The following KALRN variants were observed in gnomAD, a reference collection of about 807,000 sequenced individuals.
The protein encoded by KALRN is kalirin RhoGEF kinase, also known as kalirin.
A neutral mutation model predicts 353.7 loss-of-function variants in KALRN; 70 were observed. The ratio of observed to expected loss-of-function variants is 0.20; its 90% CI spans 0.16 to 0.24. The LOEUF (loss-of-function observed/expected upper bound fraction) is 0.24, where lower values mean the gene tolerates loss of function less well. Ranked by LOEUF, KALRN falls within the 10% of genes least tolerant of loss-of-function variation. The pLI is 1.00. For synonymous variants in KALRN, 1,391 were observed against 1,434.8 expected (o/e 0.97, Z 0.69); for missense variants, 2,791 against 3,756.7 (o/e 0.74, Z 6.72).
At position 124,099,449 on chromosome 3, in the gene KALRN, A is replaced by G. The variant is rs1025542475; in HGVS notation, c.73+65636A>G. 7.9e-5 allele frequency: 12 copies of G among 152,238 alleles called. No homozygotes were observed. The East Asian group carries it at 1.7e-3, about 22-fold the overall frequency. The allele number at this position is 152,238 out of a possible 1,614,324, so 9.4% of individuals were successfully genotyped here. ...TATATATAACACATTTTCTTTATCTATTCACCCATTGATAGACACTTAGAT... is the reference window on the plus strand; with the variant it reads ...TATATATAACACATTTTCTTTATCTGTTCACCCATTGATAGACACTTAGAT... On this transcript the variant is annotated intron_variant, in intron 1 of 59. Coordinates refer to ENST00000682506, the MANE Select transcript of KALRN (RefSeq NM_001388419.1).
At chr3:124,419,182 A>G (rs1247899541) in intron 14 of KALRN, among the ~76,000 whole-genome samples, 1 of 151,990 alleles carries the variant, frequency 6.6e-6, no homozygotes, top group African/African-American at 2.4e-5. Context: ...AGGCGAGTAC[A>G]TAAACACCTG....
In KALRN at chr3:124,240,854, G is replaced by A. The variant is rs185498631; in HGVS notation, c.263+5911G>A. ...GGGAAAATAATGTCTATCTCATAAG[G>A]GTATTGTGAGGAATTATCTAGCAGG... is the stretch of plus-strand genomic sequence containing the variant. On this transcript the variant is annotated intron_variant, in intron 3 of 59. Transcript: ENST00000682506. Among the ~76,000 whole-genome samples, 137 of 152,168 alleles carry A rather than the reference G, an allele frequency of 9.0e-4. No homozygotes were observed. The East Asian group carries it at 0.015, about 16-fold the overall frequency.
At chr3:124,490,333 C>T (rs1343962445) in intron 29 of KALRN, among the ~76,000 whole-genome samples, 1 of 152,200 alleles carries the variant, frequency 6.6e-6, no homozygotes, top group Non-Finnish European at 1.5e-5. Context: ...CTCATAGCTA[C>T]AAGTCAGGAA....
intron 1 of KALRN, among the ~76,000 whole-genome samples, chr3:124,120,136 A>AGT (rs1375257201): frequency 1.3e-5 from 2 of 152,218 alleles, no homozygotes; most frequent in Non-Finnish European, 2.9e-5. Context: ...AAAAGACAGC[A>AGT]GTGTGGGTAC....
At position 124,334,171 on chromosome 3, in the gene KALRN, C is replaced by T. The variant is rs2080886941; in HGVS notation, c.1417-94C>T. On this transcript the variant is annotated intron_variant, in intron 8 of 59. Transcript: ENST00000682506. The surrounding 1 kb of genome is among the most constrained non-coding windows in gnomAD (Gnocchi z 4.2). Reference sequence around the variant, plus strand: ...GGAATGCCTGAGATTCTCAGAAGGCCTAGTCAGGGACCCTCAGGCAGACAC... The same window carrying T: ...GGAATGCCTGAGATTCTCAGAAGGCTTAGTCAGGGACCCTCAGGCAGACAC... 4 of 1,053,360 alleles carry T rather than the reference C, an allele frequency of 3.8e-6. No homozygotes were observed. The East Asian group carries it at 7.1e-5, about 19-fold the overall frequency. The allele number at this position is 1,053,360 out of a possible 1,614,324, so 65.3% of individuals were successfully genotyped here. A position where few individuals can be genotyped will look rare whatever the true frequency, so the allele number is the denominator to read the frequency against.
chr3:124,342,147 T>C (rs1300083130), intron 9 of KALRN, among the ~76,000 whole-genome samples: 1 of 149,266 alleles, frequency 6.7e-6, no homozygotes. Context: ...TCTGAGGGTA[T>C]GCCTTTATTT....
chr3:124,451,294 G>A (rs2058753797), intron 21 of KALRN, among the ~76,000 whole-genome samples: 1 of 151,680 alleles, frequency 6.6e-6, no homozygotes, highest in Admixed American at 6.6e-5. Context: ...AAAGAGAGAG[G>A]GAGGGATAGA....
chr3:124,188,831 T>C (rs1441631872), intron 1 of KALRN, among the ~76,000 whole-genome samples: 1 of 152,184 alleles, frequency 6.6e-6, no homozygotes, highest in Non-Finnish European at 1.5e-5. Context: ...GCATGAACTT[T>C]AGCATATTTG....
At chr3:124,644,028 A>T (rs1198769213) in intron 37 of KALRN, among the ~76,000 whole-genome samples, 1 of 152,206 alleles carries the variant, frequency 6.6e-6, no homozygotes, top group East Asian at 1.9e-4. Context: ...TTCCAAATAC[A>T]ATTTTATTAA....
chr3:124,308,635 C>T (rs1473005744), intron 6 of KALRN, among the ~76,000 whole-genome samples: 1 of 151,750 alleles, frequency 6.6e-6, no homozygotes, highest in East Asian at 1.9e-4. Flanking sequence ...ATTTTTGACA[C>T]ATCATACCAC....
chr3:124,606,040 G>C (rs2077314780), intron 34 of KALRN, among the ~76,000 whole-genome samples: 2 of 113,108 alleles, frequency 1.8e-5, no homozygotes, highest in South Asian at 5.1e-4. Flanking sequence ...TCAGTCCACT[G>C]CTGACTTTCT....
At chr3:124,544,595 G>A (rs1370746304) in intron 33 of KALRN, among the ~76,000 whole-genome samples, 3 of 151,516 alleles carry the variant, frequency 2.0e-5, no homozygotes, top group Non-Finnish European at 4.4e-5. Context: ...CATCTATATC[G>A]ATATAGATAC....
chr3:124,359,366 C>A (rs1486264462), intron 10 of KALRN, among the ~76,000 whole-genome samples: 1 of 152,118 alleles, frequency 6.6e-6, no homozygotes, highest in African/African-American at 2.4e-5. Flanking sequence ...TATACTTGGC[C>A]CAGACCAGAT....
chr3:124,443,935 A>G (rs2093748753), intron 19 of KALRN, among the ~76,000 whole-genome samples: 1 of 152,154 alleles, frequency 6.6e-6, no homozygotes, highest in African/African-American at 2.4e-5. Context: ...GCCCAATTGA[A>G]GCTTCCACCT....
chr3:124,178,412 T>C (rs970342227), intron 1 of KALRN, among the ~76,000 whole-genome samples: 4 of 152,208 alleles, frequency 2.6e-5, no homozygotes, highest in Non-Finnish European at 5.9e-5. Flanking sequence ...TTCTGAGAAA[T>C]GTGTCATAAG....
chr3:124,285,556 A>ACAGAGTTT, intron 5 of KALRN, among the ~76,000 whole-genome samples: 1 of 152,308 alleles, frequency 6.6e-6, no homozygotes, highest in Non-Finnish European at 1.5e-5. Flanking sequence ...TGTTTTTGAG[A>ACAGAGTTT]CAGAGTTTCA....
chr3:124,716,774 C>A (rs1225976579), intron 58 of KALRN, among the ~76,000 whole-genome samples: 1 of 152,188 alleles, frequency 6.6e-6, no homozygotes, highest in African/African-American at 2.4e-5. Context: ...CCACAGCATT[C>A]CAGCCTGGGC....
At chr3:124,560,191 A>G (rs900108995) in intron 33 of KALRN, among the ~76,000 whole-genome samples, 3 of 152,270 alleles carry the variant, frequency 2.0e-5, no homozygotes, top group African/African-American at 7.2e-5. Flanking sequence ...GCTGTTTGCA[A>G]CTAGAGCTTC....
chr3:124,228,591 C>T (rs760950666), intron 2 of KALRN, among the ~76,000 whole-genome samples: 45 of 152,312 alleles, frequency 3.0e-4, no homozygotes, highest in Middle Eastern at 3.4e-3. Context: ...CTTAATGTCT[C>T]ACTCTGGGGT....
Sources: gnomAD v4.1 joint callset for allele counts (sites outside exome capture counted in the v4.1 genomes callset) on GRCh38, gnomAD v4.1.1 for gene constraint, Gnocchi (gnomAD v3.1) non-coding constraint, MANE v1.5 for transcripts, NCBI Gene and HGNC (gene_info 2026-07-23, HGNC 2026-07-21) for gene names.